The following ATG2B variants were observed in gnomAD, a reference collection of about 807,000 sequenced individuals.
ATG2B encodes autophagy related 2B, also known as autophagy-related protein 2 homolog B.
Under a neutral mutation model 241.3 loss-of-function variants are expected in ATG2B, and 121 were observed. The ratio of observed to expected loss-of-function variants is 0.50; its 90% CI spans 0.43 to 0.58. ATG2B has a LOEUF of 0.58. ATG2B is among the 20% of genes least tolerant of loss of function. The pLI is 0.00. For synonymous variants in ATG2B, 858 were observed against 876.6 expected, an observed-to-expected ratio of 0.98 and a Z score of 0.37; for missense variants, 2,306 against 2,491.6, an observed-to-expected ratio of 0.93 and a Z score of 1.59.
intron 18 of ATG2B, among the ~76,000 whole-genome samples, chr14:96,321,893 G>A (rs1363608099): frequency 2.0e-5 from 3 of 152,120 alleles, no homozygotes; most frequent in African/African-American, 4.8e-5. Context: ...CCTCAGGGCT[G>A]AGGAAATAAA....
Position 96,317,333 on chromosome 14 carries a change from A to G in ATG2B, c.3038-16T>C. ...CTTTCCTCATCTATGAGAAATAAAC[A>G]TACAATTACATTCTGATAGCATATT... On this transcript the variant is annotated splice_polypyrimidine_tract_variant and intron_variant, in intron 19 of 41. Coordinates refer to ENST00000359933, the MANE Select transcript of ATG2B (RefSeq NM_018036.7). 6.3e-7 allele frequency: 1 copy of G among 1,590,576 alleles called. No individual in the cohort carries two copies. Among genetic ancestry groups the G allele is most frequent in the Non-Finnish European group, 8.6e-7 (1 of 1,167,314 alleles).
At position 96,333,793 on chromosome 14, in the gene ATG2B, T is replaced by C; in HGVS notation, c.1102A>G (p.Met368Val). 6.2e-7 allele frequency: 1 copy of C among 1,613,988 alleles called. No homozygotes were observed. The highest frequency in any genetic ancestry group is 8.5e-7 in the Non-Finnish European group (1 of 1,179,902). The change falls in exon 8 of 42, where the codon ATG becomes GTG. Residue 368 changes from methionine (M) to valine (V), a missense_variant. Physicochemically the swap from Met to Val is conservative, Grantham distance 21. This residue lies in a region of ATG2B where 1,927 missense variants were observed against 2,011.2 expected (regional missense o/e 0.96). Coordinates refer to ENST00000359933, the MANE Select transcript of ATG2B (RefSeq NM_018036.7). ...MQQEDEYRIQ[M>V]ELNRYYLRKD... Reference sequence around the variant, plus strand: ...CTCAAATAATACCGGTTTAATTCCATCTGAATTCGATACTCGTCTTCCTGC... The same window carrying C: ...CTCAAATAATACCGGTTTAATTCCACCTGAATTCGATACTCGTCTTCCTGC...
At chr14:96,345,111 G>T in intron 3 of ATG2B, 122 bp downstream of exon 3, 1 of 690,550 alleles carries the variant, frequency 1.4e-6, no homozygotes. Context: ...GTTCTGAAGT[G>T]GGAACAGTAA....
intron 1 of ATG2B, among the ~76,000 whole-genome samples, chr14:96,356,130 C>T (rs1367287789): frequency 2.0e-5 from 3 of 150,294 alleles, no homozygotes; most frequent in Non-Finnish European, 1.5e-5. Context: ...GAGATCACGC[C>T]ACTGCACTCC....
chr14:96,292,071 G>A lies in ATG2B; in HGVS notation c.5454C>T (p.Pro1818=), dbSNP rs1326883963. 1 of 1,597,574 alleles carries A rather than the reference G, an allele frequency of 6.3e-7. No homozygotes were observed. Among genetic ancestry groups the A allele is most frequent in the Admixed American group, 1.7e-5 (1 of 57,954 alleles). Residue 1818 remains proline (P), a synonymous_variant, in exon 37 of 42, where the codon CCC becomes CCT. Coordinates refer to ENST00000359933, the MANE Select transcript of ATG2B (RefSeq NM_018036.7). ...FREFRFTSEV[P]IRLDYHGKHV... is the part of the protein sequence containing the mutation. ...GTTTGCCATGATAATCAAGTCGAATGGGAACTTCTGACGTGAATCTAAATT... is the reference window on the plus strand; with the variant it reads ...GTTTGCCATGATAATCAAGTCGAATAGGAACTTCTGACGTGAATCTAAATT...
chr14:96,311,446 C>T, intron 27 of ATG2B, 96 bp downstream of exon 27: 1 of 1,242,296 alleles, frequency 8.0e-7, no homozygotes, highest in Non-Finnish European at 1.1e-6. Flanking sequence ...TACTCTATTT[C>T]TGACCAAAAT....
intron 29 of ATG2B, among the ~76,000 whole-genome samples, chr14:96,308,998 T>A (rs1887077432): frequency 6.6e-6 from 1 of 152,196 alleles, no homozygotes; most frequent in African/African-American, 2.4e-5. Flanking sequence ...TCTGTTGATG[T>A]TAATGACCTT....
chr14:96,292,043 CAT>C lies in ATG2B; in HGVS notation c.5480_5481del (p.His1827ArgfsTer22), dbSNP rs764731017. 8 of 1,596,646 alleles carry C rather than the reference CAT, an allele frequency of 5.0e-6. No individual in the cohort carries two copies. The highest frequency in any genetic ancestry group is 1.7e-5 in the Admixed American group (1 of 57,936). ...VPIRLDYHGK[H>X]VSMDQGTLAG... Reference sequence around the variant, plus strand: ...AGTTTCCCAACCTGATCCATTGATACATGTTTGCCATGATAATCAAGTCGAAT... The same window carrying C: ...AGTTTCCCAACCTGATCCATTGATACGTTTGCCATGATAATCAAGTCGAAT... On this transcript the variant is annotated frameshift_variant, in exon 37 of 42. Transcript: ENST00000359933. LOFTEE classifies it high-confidence loss of function.
Position 96,331,383 on chromosome 14 carries a change from G to A in ATG2B, c.1723C>T (p.His575Tyr). ...ACATATGTGAGAGTTTACCTAAGGT[G>A]ATCGTGTGAGCAAGCTTCTGCAAAC... ...AVFAEACSHD[H>Y]LRFIGTGIKV... is the part of the protein sequence containing the mutation. The change falls in exon 11 of 42, where the codon CAC becomes TAC. Residue 575 changes from histidine to tyrosine, a missense_variant. This residue lies in a region of ATG2B where 1,927 missense variants were observed against 2,011.2 expected (regional missense o/e 0.96). Transcript: ENST00000359933. The A allele has an allele frequency of 1.9e-6, 3 of 1,612,600 alleles. No homozygotes were observed. The highest frequency in any genetic ancestry group is 2.5e-6 in the Non-Finnish European group (3 of 1,179,358).
intron 32 of ATG2B, 139 bp downstream of exon 32, chr14:96,304,356 G>C: frequency 1.8e-6 from 1 of 542,296 alleles, no homozygotes; most frequent in Non-Finnish European, 3.3e-6. Flanking sequence ...AAAGAGGTAA[G>C]AGTTTTATAC....
chr14:96,312,357 G>T (rs1228396627), intron 25 of ATG2B, among the ~76,000 whole-genome samples, 198 bp from the exon 26 acceptor site: 2 of 152,168 alleles, frequency 1.3e-5, no homozygotes, highest in Non-Finnish European at 2.9e-5. Flanking sequence ...ATGGTGTAAA[G>T]AATTAGATTA....
intron 24 of ATG2B, 61 bp downstream of exon 24, chr14:96,313,264 GTATT>G (rs1469764438): frequency 7.2e-7 from 1 of 1,381,470 alleles, no homozygotes; most frequent in East Asian, 2.3e-5. Context: ...ACTGAATTAT[GTATT>G]TTTTTCAAAA....
chr14:96,293,062 A>C (rs1040162417), intron 36 of ATG2B: 1 of 152,190 alleles, frequency 6.6e-6, no homozygotes, highest in Non-Finnish European at 1.5e-5. Flanking sequence ...CCAGATATAG[A>C]GGGCTGGTTG....
intron 14 of ATG2B, among the ~76,000 whole-genome samples, chr14:96,327,405 C>T (rs915475214): frequency 6.6e-6 from 1 of 152,142 alleles, no homozygotes; most frequent in Non-Finnish European, 1.5e-5. Context: ...TCCTAACAGA[C>T]TTCTTGCAAA....
At chr14:96,305,097 G>A (rs553728875) in intron 31 of ATG2B, among the ~76,000 whole-genome samples, 1 of 152,282 alleles carries the variant, frequency 6.6e-6, no homozygotes, top group East Asian at 1.9e-4. Context: ...ACCTCAATAA[G>A]GAAGTCTGCC....
intron 16 of ATG2B, among the ~76,000 whole-genome samples, chr14:96,323,609 G>C (rs930881245): frequency 6.6e-6 from 1 of 152,208 alleles, no homozygotes; most frequent in East Asian, 1.9e-4. Context: ...CTAAACTCAT[G>C]CTTATTACCA....
Position 96,289,875 on chromosome 14 carries a change from C to G in ATG2B, c.5857-70G>C. 1 of 1,529,962 alleles carries G rather than the reference C, an allele frequency of 6.5e-7. No individual in the cohort carries two copies. The highest frequency in any genetic ancestry group is 9.0e-7 in the Non-Finnish European group (1 of 1,114,972). The allele number at this position is 1,529,962 out of a possible 1,614,324, so 94.8% of individuals were successfully genotyped here. On this transcript the variant is annotated intron_variant, in intron 40 of 41. Coordinates refer to ENST00000359933, the MANE Select transcript of ATG2B (RefSeq NM_018036.7). This position sits in a 1 kb window ranked among gnomAD's most constrained non-coding sequence, Gnocchi z 4.3. ...TGAAGAGTTACGGACCAGCAGAGCA[C>G]TTCCTACAGGGAGTGAGGAAGAGCA...
rs373652548 is a variant in ATG2B at position 96,350,810 on chromosome 14, G to A, written c.163-3469C>T. On this transcript the variant is annotated intron_variant, in intron 1 of 41. Coordinates refer to ENST00000359933, the MANE Select transcript of ATG2B (RefSeq NM_018036.7). ...GACTTTCCCAGTAGTACATGGGCAT[G>A]GATGGTTTTAAGGTATAAGCATCCA... Among the ~76,000 whole-genome samples, 5 of 152,272 alleles carry A rather than the reference G, an allele frequency of 3.3e-5. No homozygotes were observed. In the South Asian group the frequency reaches 1.0e-3, roughly 32 times the overall value.
chr14:96,328,626 T>C (rs1211395820), intron 13 of ATG2B, 48 bp downstream of exon 13: 1 of 1,558,998 alleles, frequency 6.4e-7, no homozygotes, highest in Non-Finnish European at 8.7e-7. Context: ...ACAAAATATA[T>C]ATCAGATTAA....
Sources: gnomAD v4.1 joint callset for allele counts (sites outside exome capture counted in the v4.1 genomes callset) on GRCh38, gnomAD v4.1.1 for gene constraint, gnomAD v4.1.1 regional missense constraint, Gnocchi (gnomAD v3.1) non-coding constraint, MANE v1.5 for transcripts, NCBI Gene and HGNC (gene_info 2026-07-23, HGNC 2026-07-21) for gene names.